Variants in ARHGAP10 observed in about 807,000 individuals in gnomAD.
ARHGAP10 encodes rho GTPase-activating protein 10.
A neutral mutation model predicts 108.6 loss-of-function variants in ARHGAP10; 87 were observed. That is an observed-to-expected ratio of 0.80 (90% CI 0.67 to 0.96). ARHGAP10 has a LOEUF of 0.96. ARHGAP10 is among the 40% of genes least tolerant of loss of function. The pLI is 0.00. For synonymous variants in ARHGAP10, 347 were observed against 341.1 expected (o/e 1.02, Z -0.19); for missense variants, 939 against 954.5 (o/e 0.98, Z 0.21).
intron 19 of ARHGAP10, among the ~76,000 whole-genome samples, chr4:148,036,191 A>T (rs1728371120): frequency 6.6e-6 from 1 of 152,036 alleles, no homozygotes; most frequent in African/African-American, 2.4e-5. Context: ...GAGAATAAAT[A>T]CCTGGGCTGA....
At chr4:147,732,569 G>A (rs1728261654) in intron 1 of ARHGAP10, 114 bp downstream of exon 1, 2 of 1,449,730 alleles carry the variant, frequency 1.4e-6, no homozygotes, top group Non-Finnish European at 1.9e-6. Context: ...GAGGAACGGG[G>A]AATTCATTCC....
At chr4:147,780,474 T>C (rs1730485467) in intron 1 of ARHGAP10, among the ~76,000 whole-genome samples, 1 of 152,066 alleles carries the variant, frequency 6.6e-6, no homozygotes, top group African/African-American at 2.4e-5. Context: ...GGGCAGTGTT[T>C]ATAGAGGTGA....
At chr4:148,038,994 A>T (rs200445702) in intron 19 of ARHGAP10, among the ~76,000 whole-genome samples, 1 of 152,018 alleles carries the variant, frequency 6.6e-6, no homozygotes, top group Non-Finnish European at 1.5e-5. Context: ...TTCTCTCCCC[A>T]CTTCCAATAA....
chr4:147,821,053 GGGCTGGCT>G (rs1327471371), intron 1 of ARHGAP10, among the ~76,000 whole-genome samples: 2 of 152,122 alleles, frequency 1.3e-5, no homozygotes, highest in Non-Finnish European at 2.9e-5. Context: ...TGCATGTACA[GGGCTGGCT>G]GGCTGGCTGG....
At chr4:147,778,325 G>A (rs1455609320) in intron 1 of ARHGAP10, among the ~76,000 whole-genome samples, 2 of 151,962 alleles carry the variant, frequency 1.3e-5, no homozygotes, top group Non-Finnish European at 2.9e-5. Context: ...GGTTATTCTG[G>A]GAAAACAATT....
chr4:148,056,169 T>C (rs1413410197), intron 20 of ARHGAP10, among the ~76,000 whole-genome samples: 2 of 152,234 alleles, frequency 1.3e-5, no homozygotes, highest in Non-Finnish European at 2.9e-5. Flanking sequence ...ATAAGTTTAC[T>C]GATCTTGAGC....
intron 1 of ARHGAP10, among the ~76,000 whole-genome samples, chr4:147,785,223 T>C (rs199935792): frequency 1.4e-3 from 217 of 151,726 alleles, no homozygotes; most frequent in African/African-American, 4.1e-3. Context: ...AAAAATAAAA[T>C]CACAAGGCTG....
chr4:148,053,970 C>T lies in ARHGAP10; in HGVS notation c.2027+6919C>T, dbSNP rs12644275. ...AAGCCCTACCATGAAAAGATGACTT[C>T]CCAAAATAAAGACATGTCTGAATTT... On this transcript the variant is annotated intron_variant, in intron 20 of 22. Coordinates refer to ENST00000336498, the MANE Select transcript of ARHGAP10 (RefSeq NM_024605.4). Among the ~76,000 whole-genome samples the T allele has an allele frequency of 2.5e-3, 387 of 152,274 alleles. 4 individuals are homozygous for T. Among genetic ancestry groups the T allele is most frequent in the African/African-American group, 8.1e-3 (337 of 41,560 alleles).
chr4:147,753,229 C>T (rs915007356), intron 1 of ARHGAP10, among the ~76,000 whole-genome samples: 1 of 152,214 alleles, frequency 6.6e-6, no homozygotes, highest in African/African-American at 2.4e-5. Context: ...AACCTTCTTA[C>T]ACCATAGATA....
At chr4:147,752,523 CTG>C (rs1435642624) in intron 1 of ARHGAP10, among the ~76,000 whole-genome samples, 2 of 151,206 alleles carry the variant, frequency 1.3e-5, no homozygotes, top group Admixed American at 6.6e-5. Flanking sequence ...CAGGTTTAAT[CTG>C]TACTCACAGT....
chr4:147,932,577 T>C (rs1016220968), intron 13 of ARHGAP10, among the ~76,000 whole-genome samples: 4 of 151,624 alleles, frequency 2.6e-5, no homozygotes, highest in African/African-American at 9.7e-5. Flanking sequence ...ATCTCATGTT[T>C]TCACTTACAA....
At chr4:147,915,977 T>C (rs1212930237) in intron 13 of ARHGAP10, among the ~76,000 whole-genome samples, 1 of 152,078 alleles carries the variant, frequency 6.6e-6, no homozygotes, top group Non-Finnish European at 1.5e-5. Context: ...AGTGTTATAG[T>C]GTTTGCTTGT....
At chr4:147,751,890 T>G (rs1473806064) in intron 1 of ARHGAP10, among the ~76,000 whole-genome samples, 2 of 149,792 alleles carry the variant, frequency 1.3e-5, no homozygotes, top group African/African-American at 2.5e-5. Context: ...TTAGTTTTTT[T>G]TTTTTTTTTT....
chr4:147,801,658 A>G (rs1419514870), intron 1 of ARHGAP10, among the ~76,000 whole-genome samples: 2 of 152,228 alleles, frequency 1.3e-5, no homozygotes, highest in African/African-American at 4.8e-5. Context: ...CACCATTTGT[A>G]TTATACTTCA....
chr4:147,734,537 C>A (rs928121270), intron 1 of ARHGAP10, among the ~76,000 whole-genome samples: 1 of 152,268 alleles, frequency 6.6e-6, no homozygotes, highest in East Asian at 1.9e-4. Flanking sequence ...AGCTCACATG[C>A]CTTTTCCCGC....
At chr4:147,917,973 T>C (rs1365097922) in intron 13 of ARHGAP10, among the ~76,000 whole-genome samples, 1 of 152,168 alleles carries the variant, frequency 6.6e-6, no homozygotes, top group Non-Finnish European at 1.5e-5. Flanking sequence ...TAGGAGAGCC[T>C]GTATTTTGTT....
At chr4:147,772,656 T>C (rs1418278261) in intron 1 of ARHGAP10, among the ~76,000 whole-genome samples, 1 of 152,268 alleles carries the variant, frequency 6.6e-6, no homozygotes, top group Non-Finnish European at 1.5e-5. Context: ...TTTAAAATCC[T>C]AGGGTATAAA....
intron 1 of ARHGAP10, among the ~76,000 whole-genome samples, chr4:147,796,560 G>A (rs1731325258): frequency 6.6e-6 from 1 of 151,744 alleles, no homozygotes; most frequent in African/African-American, 2.4e-5. Context: ...GTCTCACTCT[G>A]TCGCCCATGG....
At chr4:147,881,669 A>T (rs1158989598) in intron 9 of ARHGAP10, among the ~76,000 whole-genome samples, 169 bp from the exon 10 acceptor site, 3 of 152,190 alleles carry the variant, frequency 2.0e-5, no homozygotes, top group Non-Finnish European at 4.4e-5. Context: ...AAAAATATTA[A>T]TATTTTAGAT....
Sources: gnomAD v4.1 joint callset for allele counts (sites outside exome capture counted in the v4.1 genomes callset) on GRCh38, gnomAD v4.1.1 for gene constraint, MANE v1.5 for transcripts, NCBI Gene and HGNC (gene_info 2026-07-23, HGNC 2026-07-21) for gene names.